NCOA3: variants seen among roughly 807,000 people sequenced by gnomAD.
The protein encoded by NCOA3 is CBP-interacting protein.
NCOA3 carries 51 observed loss-of-function variants against 158.8 expected under a neutral mutation model. The observed-to-expected ratio is 0.32, with a 90% confidence interval of 0.26 to 0.41. NCOA3 has a LOEUF of 0.41. Ranked by LOEUF, NCOA3 falls within the 10% of genes least tolerant of loss-of-function variation. The pLI is 1.00. For synonymous variants in NCOA3, 537 were observed against 592.4 expected, an observed-to-expected ratio of 0.91 and a Z score of 1.36; for missense variants, 1,510 against 1,746.6, an observed-to-expected ratio of 0.86 and a Z score of 2.41.
At chr20:47,527,122 G>A (rs1369110018) in intron 1 of NCOA3, among the ~76,000 whole-genome samples, 1 of 152,162 alleles carries the variant, frequency 6.6e-6, no homozygotes, top group Non-Finnish European at 1.5e-5. Context: ...ATATATAGGT[G>A]ATCATGTCTG....
intron 8 of NCOA3, among the ~76,000 whole-genome samples, chr20:47,628,245 T>TC: frequency 6.6e-6 from 1 of 152,008 alleles, no homozygotes; most frequent in African/African-American, 2.4e-5. Flanking sequence ...GCATTTTAAA[T>TC]CCCCCAGATA....
intron 2 of NCOA3, among the ~76,000 whole-genome samples, chr20:47,614,295 A>G (rs1156969796): frequency 6.6e-6 from 1 of 152,214 alleles, no homozygotes; most frequent in African/African-American, 2.4e-5. Context: ...GTTATTTTCT[A>G]AGTTGTCTGA....
At chr20:47,578,011 A>G (rs1182657066) in intron 1 of NCOA3, among the ~76,000 whole-genome samples, 2 of 152,156 alleles carry the variant, frequency 1.3e-5, no homozygotes, top group East Asian at 3.8e-4. Context: ...CTTATCAAGA[A>G]GATTATAGCA....
intron 2 of NCOA3, among the ~76,000 whole-genome samples, chr20:47,595,807 AGT>A (rs945949787): frequency 2.0e-5 from 3 of 152,032 alleles, no homozygotes; most frequent in African/African-American, 7.2e-5. Flanking sequence ...TCGATGTCTC[AGT>A]GTTTTCAAGT....
At chr20:47,523,827 C>G (rs2084383485) in intron 1 of NCOA3, among the ~76,000 whole-genome samples, 1 of 152,218 alleles carries the variant, frequency 6.6e-6, no homozygotes, top group Admixed American at 6.5e-5. Context: ...AATATTACAG[C>G]AGTGGAAACT....
intron 1 of NCOA3, among the ~76,000 whole-genome samples, chr20:47,559,890 A>G (rs1280505264): frequency 6.6e-6 from 1 of 151,324 alleles, no homozygotes; most frequent in Non-Finnish European, 1.5e-5. Context: ...CAACTAAGGC[A>G]GTCTTCTCAC....
At chr20:47,565,170 G>A (rs572801529) in intron 1 of NCOA3, among the ~76,000 whole-genome samples, 1 of 152,190 alleles carries the variant, frequency 6.6e-6, no homozygotes, top group South Asian at 2.1e-4. Flanking sequence ...TAGTAGAGAC[G>A]AGGTTTCTCC....
intron 20 of NCOA3, 151 bp downstream of exon 20, chr20:47,651,427 CA>C: frequency 7.8e-7 from 1 of 1,286,640 alleles, no homozygotes. Flanking sequence ...GATTGGAAAA[CA>C]AAAATGCTGC....
At chr20:47,646,080 C>T (rs887169889) in intron 17 of NCOA3, among the ~76,000 whole-genome samples, 17 of 152,090 alleles carry the variant, frequency 1.1e-4, no homozygotes, top group African/African-American at 3.9e-4. Flanking sequence ...CCTGTGGATA[C>T]CAAAATCCAT....
At chr20:47,507,777 C>G (rs1475957144) in intron 1 of NCOA3, among the ~76,000 whole-genome samples, 2 of 152,092 alleles carry the variant, frequency 1.3e-5, no homozygotes, top group African/African-American at 4.8e-5. Context: ...TGCCACTACA[C>G]CTGGCTAATT....
rs781168958 is a variant in NCOA3, at chr20:47,635,460, T to C, written c.1251T>C (p.Tyr417=). 1 of 1,614,138 alleles carries C rather than the reference T, an allele frequency of 6.2e-7. No homozygotes were observed. The highest frequency in any genetic ancestry group is 2.2e-5 in the East Asian group (1 of 44,872). The change falls in exon 11 of 23, where the codon TAT becomes TAC. Residue 417 remains tyrosine (Y), a synonymous_variant. Transcript: ENST00000371998. ...QGLQMPSSRA[Y]GLADPSTTGQ... ...TACAGATGCCGAGCAGCAGGGCCTA[T>C]GGCTTGGCAGACCCTAGCACCACAG...
chr20:47,528,082 A>T (rs561802200), intron 1 of NCOA3, among the ~76,000 whole-genome samples: 9 of 152,294 alleles, frequency 5.9e-5, no homozygotes, highest in Admixed American at 2.0e-4. Context: ...TTGTTGGTAC[A>T]ATTCTAATTG....
chr20:47,578,855 G>T (rs1461005148), intron 1 of NCOA3, among the ~76,000 whole-genome samples: 1 of 149,812 alleles, frequency 6.7e-6, no homozygotes, highest in Admixed American at 6.6e-5. Context: ...AGCTTGGAAA[G>T]AACAATGGGT....
At chr20:47,643,102 T>C (rs2086636634) in intron 17 of NCOA3, among the ~76,000 whole-genome samples, 2 of 152,126 alleles carry the variant, frequency 1.3e-5, no homozygotes, top group Admixed American at 1.3e-4. Context: ...TTAGTAGAGA[T>C]GAGATTTTGC....
intron 17 of NCOA3, among the ~76,000 whole-genome samples, chr20:47,646,740 A>G (rs1038915621): frequency 2.0e-5 from 3 of 152,180 alleles, no homozygotes; most frequent in African/African-American, 4.8e-5. Flanking sequence ...GTATGCTTCA[A>G]GAGAGACATG....
At chr20:47,529,587 A>G (rs1445170850) in intron 1 of NCOA3, among the ~76,000 whole-genome samples, 1 of 151,924 alleles carries the variant, frequency 6.6e-6, no homozygotes, top group African/African-American at 2.4e-5. Flanking sequence ...TAATTTTTGT[A>G]TTTTTAGTAG....
In NCOA3 at chr20:47,656,572, T is replaced by G. The variant is rs1340746884; in HGVS notation, c.*3155T>G. Reference sequence around the variant, plus strand: ...AAAACCTCAAGGATTGATTTATTGTTTTCAACTCCAAGGCACACTGTTAAT... The same window carrying G: ...AAAACCTCAAGGATTGATTTATTGTGTTCAACTCCAAGGCACACTGTTAAT... On this transcript the variant is annotated 3_prime_UTR_variant, in exon 23 of 23. Coordinates refer to ENST00000371998, the MANE Select transcript of NCOA3 (RefSeq NM_181659.3). 1.3e-5 allele frequency: 2 copies of G among 152,626 alleles called. No individual in the cohort carries two copies. The highest frequency in any genetic ancestry group is 2.9e-5 in the Non-Finnish European group (2 of 68,042). 9.5% of individuals were successfully genotyped at this position (152,626 alleles called of 1,614,324 possible).
intron 1 of NCOA3, among the ~76,000 whole-genome samples, chr20:47,522,017 T>C (rs1381064677): frequency 6.6e-6 from 1 of 151,986 alleles, no homozygotes; most frequent in Non-Finnish European, 1.5e-5. Flanking sequence ...TTTGCTTCCA[T>C]GAACACATTG....
chr20:47,589,430 C>G (rs2085589436), intron 2 of NCOA3, among the ~76,000 whole-genome samples: 1 of 152,206 alleles, frequency 6.6e-6, no homozygotes, highest in African/African-American at 2.4e-5. Context: ...GGCTGACGTG[C>G]AGTGGCGCAC....
Sources: allele counts gnomAD v4.1 joint callset (sites outside exome capture counted in the v4.1 genomes callset), GRCh38; gene constraint gnomAD v4.1.1; transcripts MANE v1.5; gene names NCBI Gene and HGNC (gene_info 2026-07-23, HGNC 2026-07-21).